DPYD: variants seen among roughly 807,000 people sequenced by gnomAD.
DPYD encodes the protein dihydropyrimidine dehydrogenase [NADP(+)].
A neutral mutation model predicts 116.2 loss-of-function variants in DPYD; 109 were observed. The observed-to-expected ratio is 0.94, with a 90% CI of 0.80 to 1.10. The LOEUF is 1.10. DPYD is among the 50% of genes least tolerant of loss of function. The pLI is 0.00. For synonymous variants in DPYD, 440 were observed against 432.0 expected (o/e 1.02, Z -0.23); for missense variants, 1,302 against 1,254.5 (o/e 1.04, Z -0.57).
At chr1:97,473,825 G>T (rs1677793367) in intron 13 of DPYD, among the ~76,000 whole-genome samples, 1 of 151,962 alleles carries the variant, frequency 6.6e-6, no homozygotes, top group Non-Finnish European at 1.5e-5. Flanking sequence ...TGGGCAACAT[G>T]GCAAAACCCC....
intron 13 of DPYD, among the ~76,000 whole-genome samples, chr1:97,477,076 C>T (rs1196253096): frequency 1.3e-5 from 2 of 152,100 alleles, no homozygotes; most frequent in Non-Finnish European, 2.9e-5. Flanking sequence ...GGTTAGGGTG[C>T]CTGGCAATTT....
At chr1:97,385,557 A>G (rs1464953982) in intron 14 of DPYD, among the ~76,000 whole-genome samples, 1 of 151,802 alleles carries the variant, frequency 6.6e-6, no homozygotes, top group Non-Finnish European at 1.5e-5. Flanking sequence ...AACAATAACA[A>G]CAACAACCAC....
intron 19 of DPYD, among the ~76,000 whole-genome samples, chr1:97,232,377 G>A (rs1013037416): frequency 1.3e-5 from 2 of 152,096 alleles, no homozygotes; most frequent in African/African-American, 4.8e-5. Context: ...ATTTTGGTAT[G>A]GATTTCTTTG....
At chr1:97,607,973 A>C (rs182239539) in intron 8 of DPYD, among the ~76,000 whole-genome samples, 458 of 152,118 alleles carry the variant, frequency 3.0e-3, no homozygotes, top group Middle Eastern at 0.01. Flanking sequence ...AACAGAACAA[A>C]AGCAACAAAA....
chr1:97,476,676 G>T (rs1043471897), intron 13 of DPYD, among the ~76,000 whole-genome samples: 7 of 151,954 alleles, frequency 4.6e-5, no homozygotes, highest in African/African-American at 1.5e-4. Flanking sequence ...ATAAGTCATA[G>T]AACGTATAAA....
chr1:97,132,395 T>C (rs1396704931), intron 20 of DPYD, among the ~76,000 whole-genome samples: 4 of 152,168 alleles, frequency 2.6e-5, no homozygotes, highest in African/African-American at 9.6e-5. Context: ...TTAACATAGC[T>C]ACGGTACAGT....
rs114562007 is a variant in DPYD at position 97,501,283 on chromosome 1, A to G, written c.1740+14443T>C. Among the ~76,000 whole-genome samples, 1,158 of 152,164 alleles carry G rather than the reference A, an allele frequency of 7.6e-3. 10 individuals are homozygous for G. The highest frequency in any genetic ancestry group is 0.026 in the African/African-American group (1,096 of 41,520). On this transcript the variant is annotated intron_variant, in intron 13 of 22. Transcript: ENST00000370192. ...ATGGTTATAGAGCCAACTTCTTAAT[A>G]TGTTCTATTTCATGTTTTAATGTAA...
chr1:97,388,474 G>A (rs187793842), intron 14 of DPYD, among the ~76,000 whole-genome samples: 2 of 152,208 alleles, frequency 1.3e-5, no homozygotes, highest in African/African-American at 4.8e-5. Flanking sequence ...TGACCTGGGG[G>A]CACAAGAGAG....
At chr1:97,490,208 T>C (rs1570824261) in intron 13 of DPYD, among the ~76,000 whole-genome samples, 1 of 151,780 alleles carries the variant, frequency 6.6e-6, no homozygotes, top group East Asian at 1.9e-4. Context: ...ATATTGACAA[T>C]TCCTTATAGT....
chr1:97,685,926 A>G (rs1021177395), intron 7 of DPYD, among the ~76,000 whole-genome samples: 1 of 152,220 alleles, frequency 6.6e-6, no homozygotes, highest in Non-Finnish European at 1.5e-5. Flanking sequence ...TATACATTCA[A>G]TGCTATTCCC....
intron 20 of DPYD, among the ~76,000 whole-genome samples, chr1:97,122,931 C>G (rs1022853438): frequency 6.6e-6 from 1 of 151,938 alleles, no homozygotes; most frequent in Non-Finnish European, 1.5e-5. Flanking sequence ...CTTTTTAGTT[C>G]TCAATTGCAC....
chr1:97,306,038 T>C, intron 17 of DPYD, 139 bp downstream of exon 17: 1 of 1,329,938 alleles, frequency 7.5e-7, no homozygotes, highest in South Asian at 1.2e-5. Flanking sequence ...GTTTGTGGGA[T>C]CAAGTGCTCA....
chr1:97,495,026 A>G (rs1570835145), intron 13 of DPYD, among the ~76,000 whole-genome samples: 1 of 152,200 alleles, frequency 6.6e-6, no homozygotes, highest in African/African-American at 2.4e-5. Flanking sequence ...GTGCACAATC[A>G]TAGTTTGTGG....
intron 3 of DPYD, among the ~76,000 whole-genome samples, chr1:97,822,542 T>C (rs1669005387): frequency 6.6e-6 from 1 of 151,850 alleles, no homozygotes; most frequent in Non-Finnish European, 1.5e-5. Flanking sequence ...ACATTCATAT[T>C]ATGCATAATT....
chr1:97,756,811 TTTTCAGTTAAATATGCTATATTC>T (rs1215149993), intron 3 of DPYD, among the ~76,000 whole-genome samples: 1 of 152,188 alleles, frequency 6.6e-6, no homozygotes, highest in Non-Finnish European at 1.5e-5. Flanking sequence ...AAAAGCAGTA[TTTTCAGTTAAATATGCTATATTC>T]TTTCAATTTT....
intron 1 of DPYD, among the ~76,000 whole-genome samples, chr1:97,898,727 G>A (rs989403452): frequency 1.3e-5 from 2 of 151,848 alleles, no homozygotes; most frequent in African/African-American, 2.4e-5. Flanking sequence ...CTAGGTGAAG[G>A]TAACTGAATC....
At chr1:97,220,857 A>G (rs1423597776) in intron 19 of DPYD, among the ~76,000 whole-genome samples, 1 of 152,160 alleles carries the variant, frequency 6.6e-6, no homozygotes, top group African/African-American at 2.4e-5. Context: ...ATATTAGATC[A>G]ATCACACATG....
chr1:97,579,832 T>C (rs1653516953), intron 10 of DPYD, among the ~76,000 whole-genome samples: 1 of 152,236 alleles, frequency 6.6e-6, no homozygotes, highest in African/African-American at 2.4e-5. Context: ...TTTTTACATT[T>C]GACAAATCAG....
intron 1 of DPYD, among the ~76,000 whole-genome samples, chr1:97,892,142 T>G (rs919349154): frequency 6.6e-6 from 1 of 151,916 alleles, no homozygotes. Flanking sequence ...TGGACAGAAA[T>G]ACTTTGATTT....
Sources: gnomAD v4.1 joint callset for allele counts (sites outside exome capture counted in the v4.1 genomes callset) on GRCh38, gnomAD v4.1.1 for gene constraint, MANE v1.5 for transcripts, NCBI Gene and HGNC (gene_info 2026-07-23, HGNC 2026-07-21) for gene names.